Variants in SNTG2 observed in about 807,000 individuals in gnomAD.
The protein encoded by SNTG2 is gamma-2-syntrophin.
A neutral mutation model predicts 70.9 loss-of-function variants in SNTG2; 74 were observed. The observed-to-expected ratio is 1.04, with a 90% confidence interval of 0.86 to 1.27. SNTG2 has a LOEUF of 1.27. Ranked by LOEUF, SNTG2 falls within the 50% of genes most tolerant of loss-of-function variation. The pLI is 0.00. For synonymous variants in SNTG2, 278 were observed against 273.8 expected, an observed-to-expected ratio of 1.02 and a Z score of -0.15; for missense variants, 717 against 690.7, an observed-to-expected ratio of 1.04 and a Z score of -0.43.
chr2:1,191,319 C>T (rs935948845), intron 8 of SNTG2, among the ~76,000 whole-genome samples: 10 of 152,140 alleles, frequency 6.6e-5, no homozygotes, highest in African/African-American at 2.4e-4. Flanking sequence ...TTGAATTGCT[C>T]TCATGTAGAC....
At chr2:1,064,487 C>G (rs892441051) in intron 1 of SNTG2, among the ~76,000 whole-genome samples, 2 of 150,908 alleles carry the variant, frequency 1.3e-5, no homozygotes, top group Non-Finnish European at 2.9e-5. Context: ...AAATAAAGTA[C>G]TACATTTGGG....
chr2:986,279 T>G (rs1572193524), intron 1 of SNTG2, among the ~76,000 whole-genome samples: 1 of 152,160 alleles, frequency 6.6e-6, no homozygotes, highest in Non-Finnish European at 1.5e-5. Context: ...CTCCCAGACC[T>G]CCTTCTCACA....
intron 1 of SNTG2, among the ~76,000 whole-genome samples, chr2:962,127 T>C (rs1660367828): frequency 6.6e-6 from 1 of 152,218 alleles, no homozygotes; most frequent in South Asian, 2.1e-4. Flanking sequence ...TGCAGTGGCA[T>C]GATCATAGCT....
Position 1,097,212 on chromosome 2 carries a change from G to A in SNTG2, c.211-984G>A, listed in dbSNP as rs949000083. ...ACATTCCTGGGGTATCTCAGGCTGC[G>A]GAAGCCCTCACAGCAGCCTCCCTGC... On this transcript the variant is annotated intron_variant, in intron 2 of 16. Transcript: ENST00000308624. This position sits in a 1 kb window ranked among gnomAD's most constrained non-coding sequence, Gnocchi z 4.1. Among the ~76,000 whole-genome samples the A allele has an allele frequency of 1.3e-5, 2 of 152,130 alleles. No individual in the cohort carries two copies. The highest frequency in any genetic ancestry group is 4.8e-5 in the African/African-American group (2 of 41,424).
intron 6 of SNTG2, among the ~76,000 whole-genome samples, chr2:1,153,262 C>A (rs1033793241): frequency 7.2e-5 from 11 of 152,062 alleles, no homozygotes; most frequent in Non-Finnish European, 1.2e-4. Context: ...TTTTATTATC[C>A]ATTTTTTTAT....
At chr2:1,000,466 A>G (rs1558303398) in intron 1 of SNTG2, among the ~76,000 whole-genome samples, 1 of 151,916 alleles carries the variant, frequency 6.6e-6, no homozygotes, top group Non-Finnish European at 1.5e-5. Context: ...CAGAAATACA[A>G]AAGATCCTCA....
chr2:1,116,828 G>T (rs558078060), intron 4 of SNTG2, among the ~76,000 whole-genome samples: 6 of 147,496 alleles, frequency 4.1e-5, no homozygotes, highest in Admixed American at 3.4e-4. Context: ...GTCTGTGGGT[G>T]CCCTGGTGTA....
intron 1 of SNTG2, among the ~76,000 whole-genome samples, chr2:962,805 T>C (rs567199654): frequency 1.9e-4 from 29 of 152,296 alleles, no homozygotes; most frequent in African/African-American, 7.0e-4. Context: ...TCTAATTTGA[T>C]TGAGGAGAGG....
intron 6 of SNTG2, among the ~76,000 whole-genome samples, chr2:1,150,135 T>C (rs1396496223): frequency 6.6e-6 from 1 of 152,236 alleles, no homozygotes; most frequent in Non-Finnish European, 1.5e-5. Flanking sequence ...TTTAGGGAAC[T>C]ATTTTGAGAG....
At chr2:1,228,386 A>G (rs1226330685) in intron 9 of SNTG2, among the ~76,000 whole-genome samples, 3 of 152,002 alleles carry the variant, frequency 2.0e-5, no homozygotes, top group Non-Finnish European at 2.9e-5. Flanking sequence ...CCTCTCTCTC[A>G]CCCAGGCCCC....
intron 1 of SNTG2, among the ~76,000 whole-genome samples, chr2:964,408 G>A (rs138248771): frequency 2.6e-4 from 39 of 152,294 alleles, no homozygotes; most frequent in African/African-American, 7.2e-4. Flanking sequence ...GATTTTTGCA[G>A]GAAAAGAGTC....
intron 16 of SNTG2, among the ~76,000 whole-genome samples, chr2:1,349,990 G>T (rs1344623464): frequency 1.3e-5 from 2 of 151,732 alleles, no homozygotes; most frequent in Non-Finnish European, 2.9e-5. Flanking sequence ...TTTTTGGAGG[G>T]GATAACAACT....
chr2:1,124,872 C>T (rs1342564181), intron 4 of SNTG2, among the ~76,000 whole-genome samples: 2 of 152,090 alleles, frequency 1.3e-5, no homozygotes, highest in Non-Finnish European at 2.9e-5. Flanking sequence ...AGGTCCAGTG[C>T]TCAGCATGAG....
rs140309133 is a variant in SNTG2, at chr2:1,211,789, G to A, written c.719+2559G>A. On this transcript the variant is annotated intron_variant, in intron 9 of 16. Transcript: ENST00000308624. ...CTCCCATGACACGTGGGAATTATGG[G>A]AGCTACAATTCAAGATGAGATTTGG... Among the ~76,000 whole-genome samples the A allele has an allele frequency of 5.7e-3, 874 of 152,216 alleles. 12 individuals are homozygous for A. Among genetic ancestry groups the A allele is most frequent in the African/African-American group, 0.02 (833 of 41,526 alleles).
chr2:1,087,471 T>A (rs973788499), intron 2 of SNTG2, among the ~76,000 whole-genome samples: 2 of 152,158 alleles, frequency 1.3e-5, no homozygotes. Context: ...CTGGCCACAC[T>A]CTGCTGATGC....
chr2:1,045,407 C>A (rs1395717146), intron 1 of SNTG2, among the ~76,000 whole-genome samples: 1 of 151,830 alleles, frequency 6.6e-6, no homozygotes, highest in East Asian at 1.9e-4. Context: ...GATTTTGCTT[C>A]TTTTTTCCTG....
At chr2:1,194,214 G>A (rs1225010614) in intron 8 of SNTG2, among the ~76,000 whole-genome samples, 1 of 152,218 alleles carries the variant, frequency 6.6e-6, no homozygotes, top group Admixed American at 6.5e-5. Context: ...AGCAGAGTGA[G>A]CTCTGCACAA....
Position 1,297,237 on chromosome 2 carries a change from T to G in SNTG2, c.1285-11257T>G, listed in dbSNP as rs72770662. Among the ~76,000 whole-genome samples the G allele has an allele frequency of 4.6e-4, 70 of 152,314 alleles. 1 individual carries two copies. The Middle Eastern group carries it at 0.014, about 30-fold the overall frequency. ...AGGGGAATAAGCTTTTCTGTCTTCATGCAGAATCCATACTCATCACCTGAA... is the reference window on the plus strand; with the variant it reads ...AGGGGAATAAGCTTTTCTGTCTTCAGGCAGAATCCATACTCATCACCTGAA... On this transcript the variant is annotated intron_variant, in intron 14 of 16. Coordinates refer to ENST00000308624, the MANE Select transcript of SNTG2 (RefSeq NM_018968.4).
chr2:1,114,049 T>G lies in SNTG2; in HGVS notation c.325+15639T>G, dbSNP rs201060459. Among the ~76,000 whole-genome samples, 11 of 150,226 alleles carry G rather than the reference T, an allele frequency of 7.3e-5. No homozygotes were observed. The East Asian group carries it at 2.2e-3, about 30-fold the overall frequency. ...GGAGGATCGTGTGTACTAAGTGAGG[T>G]TTAACCCTTACAGTCCTTTGAGGAG... On this transcript the variant is annotated intron_variant, in intron 4 of 16. Coordinates refer to ENST00000308624, the MANE Select transcript of SNTG2 (RefSeq NM_018968.4).
Sources: gnomAD v4.1 joint callset for allele counts (sites outside exome capture counted in the v4.1 genomes callset) on GRCh38, gnomAD v4.1.1 for gene constraint, Gnocchi (gnomAD v3.1) non-coding constraint, MANE v1.5 for transcripts, NCBI Gene and HGNC (gene_info 2026-07-23, HGNC 2026-07-21) for gene names.